SEZ6L: variants seen among roughly 807,000 people sequenced by gnomAD.
SEZ6L encodes the protein seizure 6-like protein.
SEZ6L carries 37 observed loss-of-function variants against 106.2 expected under a neutral mutation model. The ratio of observed to expected loss-of-function variants is 0.35; its 90% CI spans 0.27 to 0.46. The LOEUF is 0.46. Ranked by LOEUF, SEZ6L falls within the 20% of genes least tolerant of loss-of-function variation. SEZ6L has a pLI of 1.00. For missense variants in SEZ6L, 1,172 were observed against 1,332.8 expected, an observed-to-expected ratio of 0.88 and a Z score of 1.88; for synonymous variants, 541 against 570.4, an observed-to-expected ratio of 0.95 and a Z score of 0.73.
chr22:26,322,104 G>T (rs1569462458), intron 9 of SEZ6L, among the ~76,000 whole-genome samples: 1 of 152,162 alleles, frequency 6.6e-6, no homozygotes, highest in Non-Finnish European at 1.5e-5. Context: ...TTACAGAAGG[G>T]TAATTACCCA....
Position 26,301,532 on chromosome 22 carries a change from G to A in SEZ6L, c.1348+2363G>A, listed in dbSNP as rs571379787. ...GGACCAGGAAAGAAATTCACATGGT[G>A]GAATGATGCAGAGTGAGGATGGAGA... On this transcript the variant is annotated intron_variant, in intron 5 of 16. Transcript: ENST00000248933. Among the ~76,000 whole-genome samples, 3 of 152,340 alleles carry A rather than the reference G, an allele frequency of 2.0e-5. No homozygotes were observed. The South Asian group carries it at 6.2e-4, about 32-fold the overall frequency.
intron 1 of SEZ6L, among the ~76,000 whole-genome samples, chr22:26,182,903 C>G (rs1939507054): frequency 1.3e-5 from 2 of 152,056 alleles, no homozygotes; most frequent in South Asian, 4.2e-4. Flanking sequence ...TGGGCGTGGC[C>G]TGTCTGCCGG....
intron 9 of SEZ6L, among the ~76,000 whole-genome samples, chr22:26,330,021 G>A (rs1244593412): frequency 6.6e-6 from 1 of 152,224 alleles, no homozygotes; most frequent in East Asian, 1.9e-4. Context: ...GTTTTCTTAG[G>A]AAAGTCACTT....
At chr22:26,352,918 C>A (rs1286807704) in intron 12 of SEZ6L, among the ~76,000 whole-genome samples, 1 of 152,200 alleles carries the variant, frequency 6.6e-6, no homozygotes, top group Non-Finnish European at 1.5e-5. Context: ...GCTTCCCCAG[C>A]CCACAGAAGG....
At chr22:26,245,207 AC>A (rs928047385) in intron 1 of SEZ6L, among the ~76,000 whole-genome samples, 29 of 152,052 alleles carry the variant, frequency 1.9e-4, no homozygotes, top group African/African-American at 6.8e-4. Context: ...TTCCATGGCA[AC>A]CTTTTGCTTG....
intron 1 of SEZ6L, among the ~76,000 whole-genome samples, chr22:26,228,860 C>T (rs1484375997): frequency 6.6e-6 from 1 of 152,176 alleles, no homozygotes; most frequent in African/African-American, 2.4e-5. Flanking sequence ...CTGTGCTCGC[C>T]TCCTCAAGTT....
chr22:26,196,032 C>T (rs1940555555), intron 1 of SEZ6L, among the ~76,000 whole-genome samples: 2 of 152,158 alleles, frequency 1.3e-5, no homozygotes, highest in South Asian at 2.1e-4. Context: ...GCCCAAATCT[C>T]ATGTCAAATT....
intron 1 of SEZ6L, among the ~76,000 whole-genome samples, chr22:26,276,216 C>A (rs1321538719): frequency 6.6e-6 from 1 of 152,218 alleles, no homozygotes; most frequent in Non-Finnish European, 1.5e-5. Context: ...TAAAACCCAA[C>A]CCTTGCTTTA....
At chr22:26,337,596 T>C (rs1422979323) in intron 9 of SEZ6L, among the ~76,000 whole-genome samples, 1 of 152,192 alleles carries the variant, frequency 6.6e-6, no homozygotes, top group African/African-American at 2.4e-5. Flanking sequence ...GGCTCTTTCA[T>C]ACCTTAGCAT....
chr22:26,239,910 C>A (rs568061403), intron 1 of SEZ6L, among the ~76,000 whole-genome samples: 1 of 151,942 alleles, frequency 6.6e-6, no homozygotes, highest in Non-Finnish European at 1.5e-5. Flanking sequence ...CCCCCACAAC[C>A]GCACACAGCC....
intron 1 of SEZ6L, among the ~76,000 whole-genome samples, chr22:26,265,852 T>C (rs1332435159): frequency 3.3e-5 from 5 of 152,200 alleles, no homozygotes; most frequent in Admixed American, 1.3e-4. Context: ...CAACCTCTGC[T>C]GCTCCCAGGC....
chr22:26,349,840 A>G (rs567648693), intron 11 of SEZ6L, among the ~76,000 whole-genome samples: 2 of 152,146 alleles, frequency 1.3e-5, no homozygotes, highest in African/African-American at 2.4e-5. Flanking sequence ...AGAAATGTGG[A>G]TATCTTTTCA....
chr22:26,289,273 T>C (rs2081035293), intron 1 of SEZ6L, among the ~76,000 whole-genome samples: 2 of 152,060 alleles, frequency 1.3e-5, no homozygotes, highest in Non-Finnish European at 2.9e-5. Context: ...TTTGTCCCTA[T>C]GCCCTCTTTT....
intron 3 of SEZ6L, among the ~76,000 whole-genome samples, chr22:26,294,925 TTCTCTTTC>T (rs1372193886): frequency 5.1e-4 from 72 of 142,006 alleles, no homozygotes; most frequent in African/African-American, 1.9e-3. Context: ...TCTTGCTTCT[TTCTCTTTC>T]TCTTTCTTTC....
intron 10 of SEZ6L, among the ~76,000 whole-genome samples, chr22:26,340,968 G>A (rs1022764920): frequency 6.6e-6 from 1 of 152,156 alleles, no homozygotes; most frequent in Non-Finnish European, 1.5e-5. Context: ...TGTTTCATGT[G>A]TGGTCAGCTG....
rs190302916 is a variant in SEZ6L, at chr22:26,228,505, G to A, written c.94+58742G>A. ...ATACACCAGCATGGTGCTGGGCAATGGGTACCCAGTGGAGAAGAGGACAAA... is the reference window on the plus strand; with the variant it reads ...ATACACCAGCATGGTGCTGGGCAATAGGTACCCAGTGGAGAAGAGGACAAA... On this transcript the variant is annotated intron_variant, in intron 1 of 16. Coordinates refer to ENST00000248933, the MANE Select transcript of SEZ6L (RefSeq NM_021115.5). 5.9e-3 allele frequency among the ~76,000 whole-genome samples: 903 copies of A among 152,272 alleles called. 4 individuals carry two copies. Among genetic ancestry groups the A allele is most frequent in the Non-Finnish European group, 8.7e-3 (590 of 68,026 alleles).
chr22:26,206,534 G>T (rs1223908880), intron 1 of SEZ6L, among the ~76,000 whole-genome samples: 4 of 152,122 alleles, frequency 2.6e-5, no homozygotes, highest in African/African-American at 7.2e-5. Flanking sequence ...CTTGTCCAAG[G>T]TTACACAGCT....
chr22:26,359,319 A>G (rs931118923), intron 12 of SEZ6L, among the ~76,000 whole-genome samples: 2 of 152,142 alleles, frequency 1.3e-5, no homozygotes, highest in Non-Finnish European at 2.9e-5. Context: ...TTCCTGCTTG[A>G]GGGGACTTTT....
chr22:26,208,011 G>A (rs892615876), intron 1 of SEZ6L, among the ~76,000 whole-genome samples: 1 of 151,210 alleles, frequency 6.6e-6, no homozygotes. Context: ...CCGGGTTCAC[G>A]CCATTCTCCT....
Sources: gnomAD v4.1 joint callset for allele counts (sites outside exome capture counted in the v4.1 genomes callset) on GRCh38, gnomAD v4.1.1 for gene constraint, MANE v1.5 for transcripts, NCBI Gene and HGNC (gene_info 2026-07-23, HGNC 2026-07-21) for gene names.